Variants in HS6ST2 observed in about 807,000 individuals in gnomAD.
The protein encoded by HS6ST2 is heparan-sulfate 6-O-sulfotransferase 2.
A neutral mutation model predicts 33.0 loss-of-function variants in HS6ST2; 17 were observed. That is an observed-to-expected ratio of 0.52 (90% CI 0.35 to 0.77). The LOEUF is 0.77. Ranked by LOEUF, HS6ST2 falls within the 30% of genes least tolerant of loss-of-function variation. The pLI, the probability that HS6ST2 is intolerant of heterozygous loss-of-function variation, is 0.01. For synonymous variants in HS6ST2, 248 were observed against 237.1 expected, an observed-to-expected ratio of 1.05 and a Z score of -0.42; for missense variants, 519 against 551.7, an observed-to-expected ratio of 0.94 and a Z score of 0.59.
chrX:132,893,347 T>C (rs2066335274), intron 2 of HS6ST2, among the ~76,000 whole-genome samples: 1 of 112,443 alleles, frequency 8.9e-6, no homozygotes. Context: ...TTAAGATTTG[T>C]ATTACATCTT....
At chrX:132,684,486 C>T (rs1163407580) in intron 3 of HS6ST2, among the ~76,000 whole-genome samples, 4 of 109,708 alleles carry the variant, frequency 3.6e-5, no homozygotes, top group Non-Finnish European at 7.6e-5. Flanking sequence ...GGCAAATGGG[C>T]GGCCTTTCTG....
chrX:132,856,267 A>G (rs2065851503), intron 2 of HS6ST2, among the ~76,000 whole-genome samples: 2 of 112,350 alleles, frequency 1.8e-5, no homozygotes, highest in Non-Finnish European at 1.9e-5. Flanking sequence ...TATAATTTTT[A>G]TTACAGCATA....
intron 2 of HS6ST2, among the ~76,000 whole-genome samples, chrX:132,943,074 A>G (rs1478717610): frequency 8.9e-6 from 1 of 112,134 alleles, no homozygotes; most frequent in Non-Finnish European, 1.9e-5. Flanking sequence ...TAAATCTTTA[A>G]GACGGGAAAA....
chrX:132,811,108 G>T (rs780102441), intron 2 of HS6ST2, among the ~76,000 whole-genome samples: 12 of 112,159 alleles, frequency 1.1e-4, no homozygotes, highest in African/African-American at 3.2e-4. Context: ...GCACTTTCAA[G>T]TTTGATCATG....
chrX:132,890,412 T>G (rs2066296498), intron 2 of HS6ST2, among the ~76,000 whole-genome samples: 1 of 106,204 alleles, frequency 9.4e-6, no homozygotes, highest in African/African-American at 3.4e-5. Context: ...GTAATTGCAG[T>G]TTTTGCCATT....
intron 4 of HS6ST2, among the ~76,000 whole-genome samples, chrX:132,629,427 C>T (rs1569475024): frequency 9.0e-6 from 1 of 111,528 alleles, no homozygotes; most frequent in Non-Finnish European, 1.9e-5. Flanking sequence ...ACAAAATCTT[C>T]CCAATGACAC....
At chrX:132,711,062 T>C (rs185065989) in intron 2 of HS6ST2, among the ~76,000 whole-genome samples, 1 of 111,967 alleles carries the variant, frequency 8.9e-6, no homozygotes, top group East Asian at 2.8e-4. Context: ...AGGAATAACC[T>C]TCCTCTGAGC....
chrX:132,882,525 G>A (rs1211804608), intron 2 of HS6ST2, among the ~76,000 whole-genome samples: 1 of 104,166 alleles, frequency 9.6e-6, no homozygotes, highest in Non-Finnish European at 2.0e-5. Context: ...GACATTTTGG[G>A]CTGAGACGAT....
At chrX:132,954,403 G>C (rs991371374) in intron 2 of HS6ST2, among the ~76,000 whole-genome samples, 8 of 111,546 alleles carry the variant, frequency 7.2e-5, no homozygotes, top group African/African-American at 2.3e-4. Flanking sequence ...TTCACCATCG[G>C]TGCAGCTGCC....
chrX:132,943,411 A>C (rs370891709), intron 2 of HS6ST2, among the ~76,000 whole-genome samples: 18 of 111,333 alleles, frequency 1.6e-4, no homozygotes, highest in African/African-American at 5.9e-4. Context: ...TGGGGTTTTA[A>C]AACATCTACC....
At chrX:132,676,734 G>C (rs1444830293) in intron 3 of HS6ST2, among the ~76,000 whole-genome samples, 1 of 111,775 alleles carries the variant, frequency 8.9e-6, no homozygotes, top group Non-Finnish European at 1.9e-5. Flanking sequence ...GTTCCCAGAT[G>C]ACGGTAATGT....
chrX:132,910,148 T>C (rs912884447), intron 2 of HS6ST2, among the ~76,000 whole-genome samples: 2 of 112,214 alleles, frequency 1.8e-5, no homozygotes, highest in Admixed American at 9.5e-5. Flanking sequence ...AATGAGAACA[T>C]TTTATTCGTT....
intron 2 of HS6ST2, among the ~76,000 whole-genome samples, chrX:132,865,881 C>T (rs987731235): frequency 9.0e-6 from 1 of 110,944 alleles, no homozygotes; most frequent in African/African-American, 3.3e-5. Flanking sequence ...GGATATTAGC[C>T]CTTTGTCAGA....
intron 2 of HS6ST2, among the ~76,000 whole-genome samples, chrX:132,945,262 C>A (rs7886210): frequency 8.0e-5 from 9 of 112,099 alleles, no homozygotes; most frequent in Non-Finnish European, 1.3e-4. Flanking sequence ...AAATGCTCAT[C>A]ATCACTGGCC....
intron 2 of HS6ST2, among the ~76,000 whole-genome samples, chrX:132,847,498 A>G (rs1443471137): frequency 2.7e-5 from 3 of 111,619 alleles, no homozygotes; most frequent in Non-Finnish European, 5.6e-5. Flanking sequence ...TAAAATTTTT[A>G]TCAAGTACAA....
chrX:132,803,616 C>A (rs923827540), intron 2 of HS6ST2, among the ~76,000 whole-genome samples: 6 of 111,383 alleles, frequency 5.4e-5, no homozygotes, highest in Non-Finnish European at 9.4e-5. Flanking sequence ...GCCATGTTGG[C>A]CAGGCTAGTC....
chrX:132,770,923 A>G lies in HS6ST2; in HGVS notation c.948-62429T>C, dbSNP rs181256762. Among the ~76,000 whole-genome samples the G allele has an allele frequency of 8.9e-5, 10 of 111,987 alleles. No individual in the cohort carries two copies. The East Asian group carries it at 2.2e-3, about 25-fold the overall frequency. ...AAAAAGAAAATATCTTAAATGATCAATAAGGAAATAGTAAATTCTAGTAGA... is the reference window on the plus strand; with the variant it reads ...AAAAAGAAAATATCTTAAATGATCAGTAAGGAAATAGTAAATTCTAGTAGA... On this transcript the variant is annotated intron_variant, in intron 2 of 4. Coordinates refer to ENST00000370833, the MANE Select transcript of HS6ST2 (RefSeq NM_001394073.1).
intron 2 of HS6ST2, among the ~76,000 whole-genome samples, chrX:132,932,259 C>T (rs2066779312): frequency 9.1e-6 from 1 of 109,780 alleles, no homozygotes; most frequent in South Asian, 3.9e-4. Flanking sequence ...TGCCCCAGGA[C>T]ACTGTCAAAA....
At chrX:132,698,924 G>A (rs1009432890) in intron 3 of HS6ST2, among the ~76,000 whole-genome samples, 2 of 111,882 alleles carry the variant, frequency 1.8e-5, no homozygotes, top group Non-Finnish European at 3.8e-5. Flanking sequence ...ATTATGGTAG[G>A]TGCTCAATAA....
Sources: allele counts gnomAD v4.1 joint callset (sites outside exome capture counted in the v4.1 genomes callset), GRCh38; gene constraint gnomAD v4.1.1; transcripts MANE v1.5; gene names NCBI Gene and HGNC (gene_info 2026-07-23, HGNC 2026-07-21).